The following ZNF331 variants were observed in gnomAD, a reference collection of about 807,000 sequenced individuals.
The protein encoded by ZNF331 is zinc finger protein 331.
ZNF331 carries 2 observed loss-of-function variants against 7.0 expected under a neutral mutation model. The ratio of observed to expected loss-of-function variants is 0.29; its 90% CI spans 0.12 to 0.90. The LOEUF (loss-of-function observed/expected upper bound fraction) is 0.90, where lower values mean the gene tolerates loss of function less well. Among genes scored for constraint, ZNF331 ranks in the 40% least tolerant of loss-of-function variants. ZNF331 has a pLI of 0.58. For missense variants in ZNF331, 432 were observed against 587.7 expected, an observed-to-expected ratio of 0.74 and a Z score of 2.74; for synonymous variants, 196 against 205.4, an observed-to-expected ratio of 0.95 and a Z score of 0.39.
chr19:53,535,018 C>CAAAAAAA (rs59509834), upstream of ZNF331, among the ~76,000 whole-genome samples: 1 of 127,348 alleles, frequency 7.9e-6, no homozygotes, highest in African/African-American at 2.9e-5. Flanking sequence ...AGCCTGTAAC[C>CAAAAAAA]AAAAAAAAAA....
chr19:53,562,565 C>T (rs990529680), intron 3 of ZNF331, among the ~76,000 whole-genome samples: 2 of 151,780 alleles, frequency 1.3e-5, no homozygotes, highest in Non-Finnish European at 2.9e-5. Context: ...TGGCAAGCGC[C>T]TATAATCCCA....
intron 2 of ZNF331, among the ~76,000 whole-genome samples, chr19:53,540,437 T>A (rs1012419356): frequency 6.6e-5 from 10 of 151,370 alleles, no homozygotes; most frequent in Admixed American, 2.0e-4. Context: ...GATAGTCTTT[T>A]TTTTTCTGTA....
chr19:53,537,716 C>T (rs2087823369), upstream of ZNF331: 1 of 152,318 alleles, frequency 6.6e-6, no homozygotes, highest in African/African-American at 2.4e-5. Context: ...CTCTTCTAGC[C>T]TCACCCTCTC....
At chr19:53,531,616 T>A (rs901295673) in intron 2 of ZNF331, among the ~76,000 whole-genome samples, 2 of 152,262 alleles carry the variant, frequency 1.3e-5, no homozygotes, top group African/African-American at 2.4e-5. Flanking sequence ...TTTGAGTACG[T>A]GACAAGGTTG....
upstream of ZNF331, among the ~76,000 whole-genome samples, chr19:53,518,716 GAGAT>G (rs2086966758): frequency 6.6e-6 from 1 of 152,204 alleles, no homozygotes; most frequent in Non-Finnish European, 1.5e-5. Flanking sequence ...CAAGAGAAAA[GAGAT>G]AGGAGAAAAG....
chr19:53,523,109 C>T (rs1279130338), intron 2 of ZNF331, among the ~76,000 whole-genome samples: 1 of 151,692 alleles, frequency 6.6e-6, no homozygotes, highest in African/African-American at 2.4e-5. Context: ...TATATGTATA[C>T]ATTATGAGAT....
At chr19:53,506,971 G>C in the ZNF331 span, among the ~76,000 whole-genome samples, 1 of 152,112 alleles carries the variant, frequency 6.6e-6, no homozygotes, top group Non-Finnish European at 1.5e-5. Flanking sequence ...TGTGTGTCTC[G>C]GCAGGTGAGA....
chr19:53,504,184 A>G, the ZNF331 span: 1 of 336,914 alleles, frequency 3.0e-6, no homozygotes, highest in African/African-American at 2.2e-5. Flanking sequence ...CTGGTGGTGA[A>G]CATCTCTGCA....
rs2090757681 is a variant in ZNF331, at chr19:53,577,089, C to T, written c.529C>T (p.His177Tyr). ...AFRWGNQLTQ[H>Y]QKIHTGEKPY... ...CCGTTGGGGCAATCAGCTTACTCAA[C>T]ATCAAAAAATTCATACTGGGGAGAA... Residue 177 changes from histidine (H) to tyrosine (Y), a missense_variant, in exon 6 of 6, where the codon CAT (histidine) becomes TAT (tyrosine). Physicochemically the swap from His to Tyr is moderately conservative, Grantham distance 83. Around this residue, in one of 3 missense-constraint regions of ZNF331, gnomAD observed 312 missense variants for 448.6 expected, o/e 0.70. Coordinates refer to ENST00000449416, the MANE Select transcript of ZNF331 (RefSeq NM_001079906.2). 1 of 1,613,982 alleles carries T rather than the reference C, an allele frequency of 6.2e-7. No homozygotes were observed. The highest frequency in any genetic ancestry group is 2.2e-5 in the East Asian group (1 of 44,876).
intron 3 of ZNF331, among the ~76,000 whole-genome samples, chr19:53,556,203 G>A (rs539007078): frequency 4.5e-4 from 62 of 137,778 alleles, no homozygotes; most frequent in South Asian, 3.1e-3. Context: ...AGATCGCACC[G>A]CTTCACTCCA....
intron 2 of ZNF331, among the ~76,000 whole-genome samples, chr19:53,544,374 T>TGC (rs2088432320): frequency 6.7e-6 from 1 of 148,648 alleles, no homozygotes; most frequent in Admixed American, 6.8e-5. Flanking sequence ...TGAAACCCCA[T>TGC]CTCTACTAAA....
At chr19:53,544,532 A>G (rs911861756) in intron 2 of ZNF331, among the ~76,000 whole-genome samples, 44 of 150,142 alleles carry the variant, frequency 2.9e-4, no homozygotes, top group African/African-American at 5.9e-4. Flanking sequence ...GCGACAGAGC[A>G]AGACTCCGTC....
rs60619357 is a variant in ZNF331 at position 53,550,529 on chromosome 19, C to CTTTTTTTTTTTTTTTTT, written c.-137-5307_-137-5291dup. On this transcript the variant is annotated intron_variant, in intron 2 of 5. Transcript: ENST00000449416. ...GTTTTTGATTTAAAGTCTATTTTGT[C>CTTTTTTTTTTTTTTTTT]TTTTTTTTTTTTTTTTTTTTTTTTT... Among the ~76,000 whole-genome samples, 14 of 64,546 alleles carry CTTTTTTTTTTTTTTTTT rather than the reference C, an allele frequency of 2.2e-4. 1 individual carries two copies. Among genetic ancestry groups the CTTTTTTTTTTTTTTTTT allele is most frequent in the East Asian group, 1.2e-3 (2 of 1,658 alleles). 42.3% of individuals were successfully genotyped at this position (64,546 alleles called of 152,430 possible). A position where few individuals can be genotyped will look rare whatever the true frequency, so the allele number is the denominator to read the frequency against.
At chr19:53,530,159 C>T (rs964276409) in intron 2 of ZNF331, among the ~76,000 whole-genome samples, 2 of 152,062 alleles carry the variant, frequency 1.3e-5, no homozygotes, top group African/African-American at 2.4e-5. Flanking sequence ...TGGGACACAG[C>T]GCTGGCGGGA....
the ZNF331 span, among the ~76,000 whole-genome samples, chr19:53,510,130 T>C: frequency 1.3e-5 from 2 of 152,206 alleles, no homozygotes; most frequent in Non-Finnish European, 2.9e-5. Flanking sequence ...CATGGAGAAG[T>C]GTCCTATGTG....
At chr19:53,523,084 GTA>G (rs1395217797) in intron 2 of ZNF331, among the ~76,000 whole-genome samples, 1 of 90,146 alleles carries the variant, frequency 1.1e-5, no homozygotes, top group Non-Finnish European at 2.1e-5. Flanking sequence ...TATTTATTGT[GTA>G]TATGTTTTTA....
intron 2 of ZNF331, among the ~76,000 whole-genome samples, chr19:53,544,374 T>C (rs1470705454): frequency 1.3e-5 from 2 of 148,774 alleles, no homozygotes; most frequent in East Asian, 2.0e-4. Context: ...TGAAACCCCA[T>C]CTCTACTAAA....
Position 53,577,890 on chromosome 19 carries a change from T to C in ZNF331, c.1330T>C (p.Cys444Arg), listed in dbSNP as rs749432445. Residue 444 changes from cysteine (C) to arginine (R), a missense_variant, in exon 6 of 6, where the codon TGC becomes CGC. Cys to Arg is a radical substitution (Grantham distance 180). Transcript: ENST00000449416. ...GGCGAAATCCTACGAATGTAAGGAG[T>C]GCGGGAAGGCATGTAACCACCTAAA... ...SGAKSYECKE[C>R]GKACNHLNHL... 7 of 1,613,368 alleles carry C rather than the reference T, an allele frequency of 4.3e-6. No homozygotes were observed. The highest frequency in any genetic ancestry group is 1.1e-5 in the South Asian group (1 of 91,040).
In ZNF331 at chr19:53,573,112, C is replaced by T. The variant is rs547608070; in HGVS notation, c.136+1382C>T. ...CGCACGCCTGTGATCTCAGCTACTC[C>T]GGAGGCTGGTGCAGGAGAATCATTT... On this transcript the variant is annotated intron_variant, in intron 5 of 5. Transcript: ENST00000449416. This position sits in a 1 kb window ranked among gnomAD's most constrained non-coding sequence, Gnocchi z 4.2. Among the ~76,000 whole-genome samples the T allele has an allele frequency of 3.8e-4, 58 of 151,844 alleles. No individual in the cohort carries two copies. Among genetic ancestry groups the T allele is most frequent in the African/African-American group, 1.2e-3 (50 of 41,410 alleles).
Sources: gnomAD v4.1 joint callset for allele counts (sites outside exome capture counted in the v4.1 genomes callset) on GRCh38, gnomAD v4.1.1 for gene constraint, gnomAD v4.1.1 regional missense constraint, Gnocchi (gnomAD v3.1) non-coding constraint, MANE v1.5 for transcripts, NCBI Gene and HGNC (gene_info 2026-07-23, HGNC 2026-07-21) for gene names.